PCDHA11: variants seen among roughly 807,000 people sequenced by gnomAD.
PCDHA11 encodes protocadherin alpha-11.
PCDHA11 carries 61 observed loss-of-function variants against 70.3 expected under a neutral mutation model. That is an observed-to-expected ratio of 0.87 (90% CI 0.71 to 1.07). The LOEUF (loss-of-function observed/expected upper bound fraction) is 1.07. Among genes scored for constraint, PCDHA11 ranks in the 50% least tolerant of loss-of-function variants. The pLI is 0.00. For missense variants in PCDHA11, 1,324 were observed against 1,237.5 expected, an observed-to-expected ratio of 1.07 and a Z score of -1.05; for synonymous variants, 633 against 555.1, an observed-to-expected ratio of 1.14 and a Z score of -1.97.
chr5:140,889,265 A>G (rs900785254), intron 1 of PCDHA11, among the ~76,000 whole-genome samples: 7 of 151,968 alleles, frequency 4.6e-5, no homozygotes, highest in African/African-American at 2.4e-5. Context: ...AAAAGTTTGT[A>G]TAATCTTTGA....
intron 1 of PCDHA11, among the ~76,000 whole-genome samples, chr5:140,887,132 T>A (rs2061321769): frequency 6.6e-6 from 1 of 151,950 alleles, no homozygotes; most frequent in Non-Finnish European, 1.5e-5. Context: ...AGTCTCACTC[T>A]GTCGCCCAGG....
intron 1 of PCDHA11, among the ~76,000 whole-genome samples, chr5:140,975,935 C>T (rs1351802479): frequency 6.6e-6 from 1 of 152,060 alleles, no homozygotes; most frequent in East Asian, 1.9e-4. Flanking sequence ...ACCTTTGAAG[C>T]AATAGGACAT....
chr5:141,003,714 C>T (rs781976885), intron 3 of PCDHA11, among the ~76,000 whole-genome samples: 17 of 152,266 alleles, frequency 1.1e-4, no homozygotes, highest in South Asian at 2.1e-4. Flanking sequence ...GTGAAGATAT[C>T]GGCTAATCCA....
intron 1 of PCDHA11, chr5:140,877,640 G>T: frequency 6.2e-7 from 1 of 1,613,622 alleles, no homozygotes. Flanking sequence ...GCGCTGCGTT[G>T]CTCAGCGCCG....
intron 3 of PCDHA11, among the ~76,000 whole-genome samples, chr5:141,003,426 C>T (rs1316658550): frequency 1.3e-5 from 2 of 152,144 alleles, no homozygotes; most frequent in African/African-American, 4.8e-5. Context: ...ATTCTTATGC[C>T]TCAGCCTCCC....
rs568789486 is a variant in PCDHA11 at position 140,896,494 on chromosome 5, C to G, written c.2391+25000C>G. 6.6e-5 allele frequency among the ~76,000 whole-genome samples: 10 copies of G among 151,966 alleles called. No individual in the cohort carries two copies. In the East Asian group the frequency reaches 1.9e-3, roughly 29 times the overall value. On this transcript the variant is annotated intron_variant, in intron 1 of 3. Coordinates refer to ENST00000398640, the MANE Select transcript of PCDHA11 (RefSeq NM_018902.5). The stretch of plus-strand genomic sequence containing the variant: ...TCTCCTGCCTCAGCCTCCTGAGTAG[C>G]TGGGACTGTGCAGGCACACACCACA...
At chr5:140,890,112 T>C (rs2062493777) in intron 1 of PCDHA11, among the ~76,000 whole-genome samples, 1 of 152,184 alleles carries the variant, frequency 6.6e-6, no homozygotes, top group Non-Finnish European at 1.5e-5. Flanking sequence ...CTGGATTCAA[T>C]GATGTCACTT....
intron 1 of PCDHA11, among the ~76,000 whole-genome samples, chr5:140,884,876 C>A (rs1554181909): frequency 6.6e-6 from 1 of 152,096 alleles, no homozygotes; most frequent in African/African-American, 2.4e-5. Context: ...ATGAAATGTG[C>A]AAAACAAGAA....
At position 140,971,223 on chromosome 5, in the gene PCDHA11, C is replaced by T. The variant is rs904012820; in HGVS notation, c.2392-7726C>T. The stretch of plus-strand genomic sequence containing the variant: ...GACACTGTTACCCTCCCTCTCCTGA[C>T]TCAAAGCTTGGGGCAATTTGATACA... On this transcript the variant is annotated intron_variant, in intron 1 of 3. Transcript: ENST00000398640. Among the ~76,000 whole-genome samples, 3 of 152,148 alleles carry T rather than the reference C, an allele frequency of 2.0e-5. No homozygotes were observed. The South Asian group carries it at 6.2e-4, about 31-fold the overall frequency.
At chr5:140,955,293 T>A (rs2095165956) in intron 1 of PCDHA11, among the ~76,000 whole-genome samples, 1 of 152,182 alleles carries the variant, frequency 6.6e-6, no homozygotes, top group Non-Finnish European at 1.5e-5. Flanking sequence ...ATGGTTTGGC[T>A]GTGTCCCCAC....
At chr5:140,873,867 G>A (rs2054538446) in intron 1 of PCDHA11, among the ~76,000 whole-genome samples, 1 of 152,098 alleles carries the variant, frequency 6.6e-6, no homozygotes, top group Non-Finnish European at 1.5e-5. Flanking sequence ...CACCATGTTG[G>A]CCAGGCTGGT....
chr5:140,976,819 T>C (rs1380206599), intron 1 of PCDHA11, among the ~76,000 whole-genome samples: 3 of 152,222 alleles, frequency 2.0e-5, no homozygotes, highest in Admixed American at 2.0e-4. Flanking sequence ...TATGCATGTG[T>C]CTAATGAGCA....
rs139165612 is a variant in PCDHA11 at position 140,875,715 on chromosome 5, T to C, written c.2391+4221T>C. On this transcript the variant is annotated intron_variant, in intron 1 of 3. Coordinates refer to ENST00000398640, the MANE Select transcript of PCDHA11 (RefSeq NM_018902.5). Reference sequence around the variant, plus strand: ...ACCTTCTGGAGGTAAATCTGCAGAATGGCATTTTGTTTGTGAATTCTCGGA... The same window carrying C: ...ACCTTCTGGAGGTAAATCTGCAGAACGGCATTTTGTTTGTGAATTCTCGGA... 205 of 1,614,134 alleles carry C rather than the reference T, an allele frequency of 1.3e-4. 1 individual carries two copies. The African/African-American group carries it at 2.2e-3, about 17-fold the overall frequency.
At chr5:140,946,038 G>T (rs782421286) in intron 1 of PCDHA11, among the ~76,000 whole-genome samples, 29 of 152,042 alleles carry the variant, frequency 1.9e-4, no homozygotes, top group Non-Finnish European at 4.0e-4. Flanking sequence ...CAAGAGTGAA[G>T]GGACAATCCA....
In PCDHA11 at chr5:140,927,810, GGAGGCATACATT is replaced by G. The variant is rs782126534; in HGVS notation, c.2392-51133_2392-51122del. Reference sequence around the variant, plus strand: ...CACTAGGTCCGCCTGAAACGCTCTTGGAGGCATACATTGAGGCGAGGGACGAAGGTGTCTTTG... The same window carrying G: ...CACTAGGTCCGCCTGAAACGCTCTTGGAGGCGAGGGACGAAGGTGTCTTTG... On this transcript the variant is annotated intron_variant, in intron 1 of 3. Transcript: ENST00000398640. 3.7e-6 allele frequency: 6 copies of G among 1,614,082 alleles called. No individual in the cohort carries two copies. The South Asian group carries it at 6.6e-5, about 18-fold the overall frequency.
rs1210767724 is a variant in PCDHA11 at position 140,871,074 on chromosome 5, G to A, written c.1971G>A (p.Ala657=). The change falls in exon 1 of 4, where the codon GCG becomes GCA. Residue 657 remains alanine (A), a synonymous_variant. Transcript: ENST00000398640. ...LVLVKDHGEP[A]LTATATVLVS... Reference sequence around the variant, plus strand: ...TGGTGAAGGATCACGGTGAGCCGGCGCTGACGGCCACGGCCACCGTGCTGG... The same window carrying A: ...TGGTGAAGGATCACGGTGAGCCGGCACTGACGGCCACGGCCACCGTGCTGG... 1 of 1,613,096 alleles carries A rather than the reference G, an allele frequency of 6.2e-7. No individual in the cohort carries two copies. The highest frequency in any genetic ancestry group is 1.3e-5 in the African/African-American group (1 of 74,916).
At chr5:140,928,337 AT>A (rs549164954) in intron 1 of PCDHA11, 7 of 1,613,944 alleles carry the variant, frequency 4.3e-6, no homozygotes, top group Non-Finnish European at 5.9e-6. Flanking sequence ...CTTGTCTCTT[AT>A]GAGCTGTTGG....
Position 140,982,555 on chromosome 5 carries a change from C to T in PCDHA11, c.2531C>T (p.Ala844Val). The change falls in exon 3 of 4, where the codon GCA becomes GTA. Residue 844 changes from alanine (A) to valine (V), a missense_variant. Transcript: ENST00000398640. Reference sequence around the variant, plus strand: ...CAGCAGTGGCCAACAGTATCCAGTGCAACACCAGGTAAAGAGCTGGGGTCT... The same window carrying T: ...CAGCAGTGGCCAACAGTATCCAGTGTAACACCAGGTAAAGAGCTGGGGTCT... Reference protein sequence around the residue: ...PDQQWPTVSSATPEPEAGEVS... With the variant: ...PDQQWPTVSSVTPEPEAGEVS... The T allele has an allele frequency of 6.2e-7, 1 of 1,614,108 alleles. No homozygotes were observed. The highest frequency in any genetic ancestry group is 8.5e-7 in the Non-Finnish European group (1 of 1,179,990).
At chr5:140,992,319 T>C (rs1474763849) in intron 3 of PCDHA11, among the ~76,000 whole-genome samples, 1 of 152,174 alleles carries the variant, frequency 6.6e-6, no homozygotes, top group Admixed American at 6.6e-5. Context: ...GGGCATTCCC[T>C]TTTCTAAGAG....
Sources: gnomAD v4.1 joint callset for allele counts (sites outside exome capture counted in the v4.1 genomes callset) on GRCh38, gnomAD v4.1.1 for gene constraint, MANE v1.5 for transcripts, NCBI Gene and HGNC (gene_info 2026-07-23, HGNC 2026-07-21) for gene names.